HELQ: variants seen among roughly 807,000 people sequenced by gnomAD.
HELQ encodes helicase, POLQ like.
HELQ carries 77 observed loss-of-function variants against 111.6 expected under a neutral mutation model. That is an observed-to-expected ratio of 0.69 (90% CI 0.57 to 0.83). The LOEUF (loss-of-function observed/expected upper bound fraction) is 0.83, where lower values mean the gene tolerates loss of function less well. Among genes scored for constraint, HELQ ranks in the 40% least tolerant of loss-of-function variants. HELQ has a pLI of 0.00. For synonymous variants in HELQ, 438 were observed against 454.7 expected, an observed-to-expected ratio of 0.96 and a Z score of 0.47; for missense variants, 1,200 against 1,288.5, an observed-to-expected ratio of 0.93 and a Z score of 1.05.
At position 83,411,604 on chromosome 4, in the gene HELQ, A is replaced by AAAATAAATAAATAAATAAAT. The variant is rs147373472; in HGVS notation, c.3199-4064_3199-4045dup. Among the ~76,000 whole-genome samples, 203 of 150,208 alleles carry AAAATAAATAAATAAATAAAT rather than the reference A, an allele frequency of 1.4e-3. 1 individual carries two copies. The highest frequency in any genetic ancestry group is 4.8e-3 in the African/African-American group (191 of 40,192). ...GGGTGACAGAGTCAGACCCTGTCTC[A>AAAATAAATAAATAAATAAAT]AAATAAATAAATAAATAAATAAAAT... On this transcript the variant is annotated intron_variant, in intron 17 of 17. Coordinates refer to ENST00000295488, the MANE Select transcript of HELQ (RefSeq NM_133636.5).
chr4:83,437,976 T>C (rs1720551870), intron 8 of HELQ, among the ~76,000 whole-genome samples: 1 of 152,144 alleles, frequency 6.6e-6, no homozygotes, highest in Non-Finnish European at 1.5e-5. Context: ...TCTAAGAAAA[T>C]GAATGATTTA....
Position 83,448,953 on chromosome 4 carries a change from G to T in HELQ, c.1021C>A (p.His341Asn). 1 of 1,562,566 alleles carries T rather than the reference G, an allele frequency of 6.4e-7. No individual in the cohort carries two copies. The highest frequency in any genetic ancestry group is 8.7e-7 in the Non-Finnish European group (1 of 1,152,912). The stretch of plus-strand genomic sequence containing the variant: ...ACAGAATTCAATGTTAAACAAGTAT[G>T]TTGCCATTCTGTGGAATTAAAAAAA... ...KGIEKLYEWQ[H>N]TCLTLNSVQE... is the part of the protein sequence containing the mutation. The change falls in exon 3 of 18, where the codon CAT becomes AAT. Residue 341 changes from histidine to asparagine, a missense_variant. By Grantham distance (68) the His-to-Asn change is moderately conservative (BLOSUM62 1). Transcript: ENST00000295488.
intron 15 of HELQ, among the ~76,000 whole-genome samples, chr4:83,418,701 A>G (rs1739492228): frequency 6.6e-6 from 1 of 152,230 alleles, no homozygotes; most frequent in Admixed American, 6.5e-5. Context: ...GATATTTGCA[A>G]TATTCTATTA....
chr4:83,445,567 G>A (rs947356101), intron 5 of HELQ, among the ~76,000 whole-genome samples: 4 of 151,848 alleles, frequency 2.6e-5, no homozygotes, highest in African/African-American at 7.3e-5. Flanking sequence ...TAAATGTATC[G>A]CTTTACAATA....
Position 83,431,706 on chromosome 4 carries a change from G to C in HELQ, c.2253C>G (p.Thr751=), listed in dbSNP as rs772197686. 3.2e-6 allele frequency: 5 copies of C among 1,562,728 alleles called. No homozygotes were observed. The Admixed American group carries it at 5.5e-5, about 17-fold the overall frequency. The change falls in exon 11 of 18, where the codon ACC becomes ACG. Residue 751 remains threonine, a synonymous_variant. Transcript: ENST00000295488. Reference sequence around the variant, plus strand: ...AGAGAAATAATGTTTGGATTCCCTTGGTGAATTCCTGAACAAGATGGCTGT... The same window carrying C: ...AGAGAAATAATGTTTGGATTCCCTTCGTGAATTCCTGAACAAGATGGCTGT... ...NCYSHLVQEF[T]KGIQTLFLSL...
Position 83,437,141 on chromosome 4 carries a change from G to A in HELQ, c.1809-44C>T, listed in dbSNP as rs147383999. On this transcript the variant is annotated intron_variant, in intron 8 of 17. Coordinates refer to ENST00000295488, the MANE Select transcript of HELQ (RefSeq NM_133636.5). ...AGAAATATGAGCCCTTGATCTTTTA[G>A]TGACAAAATTTCTACCATTTTCATT... 157 of 1,575,148 alleles carry A rather than the reference G, an allele frequency of 1.0e-4. No homozygotes were observed. The African/African-American group carries it at 2.0e-3, about 20-fold the overall frequency.
At chr4:83,450,545 G>A (rs1721305388) in intron 2 of HELQ, among the ~76,000 whole-genome samples, 1 of 151,588 alleles carries the variant, frequency 6.6e-6, no homozygotes, top group African/African-American at 2.4e-5. Flanking sequence ...TATCACCCGA[G>A]TTATCAAATT....
At chr4:83,409,086 C>A (rs911614786) in intron 17 of HELQ, among the ~76,000 whole-genome samples, 10 of 152,016 alleles carry the variant, frequency 6.6e-5, no homozygotes, top group Non-Finnish European at 1.5e-4. Flanking sequence ...AACAAACAAA[C>A]AAACTTGCAT....
At chr4:83,432,335 T>G (rs1053862398) in intron 9 of HELQ, 68 bp from the exon 10 acceptor site, 2 of 1,172,324 alleles carry the variant, frequency 1.7e-6, no homozygotes, top group Non-Finnish European at 2.2e-6. Context: ...TTAATTTCAT[T>G]ATATATTTGT....
At chr4:83,408,243 TC>T (rs746998878) in intron 17 of HELQ, among the ~76,000 whole-genome samples, 5 of 151,864 alleles carry the variant, frequency 3.3e-5, no homozygotes, top group African/African-American at 1.2e-4. Context: ...TAAATTCCGC[TC>T]CCCCCCACCC....
chr4:83,423,685 C>T lies in HELQ; in HGVS notation c.2776-1949G>A, dbSNP rs192377835. 8.1e-4 allele frequency among the ~76,000 whole-genome samples: 123 copies of T among 152,138 alleles called. 2 individuals are homozygous for T. Among genetic ancestry groups the T allele is most frequent in the African/African-American group, 2.7e-3 (114 of 41,514 alleles). On this transcript the variant is annotated intron_variant, in intron 14 of 17. Transcript: ENST00000295488. ...CAGCACTTTTGGAGGTTGAGGTAGG[C>T]GTATCACCTGAGGTCAGGAGTTTAA...
chr4:83,423,292 T>A lies in HELQ; in HGVS notation c.2776-1556A>T, dbSNP rs561163895. ...TATTTTAAAAAAAACTGTAAAATAA[T>A]AAAAAATAAAATAAAATATAAAATT... On this transcript the variant is annotated intron_variant, in intron 14 of 17. Transcript: ENST00000295488. Among the ~76,000 whole-genome samples, 165 of 151,544 alleles carry A rather than the reference T, an allele frequency of 1.1e-3. 1 individual carries two copies. Among genetic ancestry groups the A allele is most frequent in the African/African-American group, 3.7e-3 (152 of 41,392 alleles).
At chr4:83,422,986 A>G (rs1201515062) in intron 14 of HELQ, among the ~76,000 whole-genome samples, 3 of 152,220 alleles carry the variant, frequency 2.0e-5, no homozygotes, top group African/African-American at 4.8e-5. Context: ...TGCTTCCTGT[A>G]GTTGATGATT....
chr4:83,420,738 T>C (rs1161502113), intron 15 of HELQ, among the ~76,000 whole-genome samples: 1 of 151,956 alleles, frequency 6.6e-6, no homozygotes, highest in Admixed American at 6.6e-5. Context: ...TTAGCTAAGA[T>C]TGCGCCACTG....
At chr4:83,434,395 A>G (rs947960696) in intron 9 of HELQ, among the ~76,000 whole-genome samples, 13 of 152,204 alleles carry the variant, frequency 8.5e-5, no homozygotes, top group African/African-American at 2.7e-4. Context: ...AGAAAATTCA[A>G]TTGAAGAACT....
Position 83,431,655 on chromosome 4 carries a change from G to A in HELQ, c.2295+9C>T. 6.8e-7 allele frequency: 1 copy of A among 1,477,046 alleles called. No individual in the cohort carries two copies. Among genetic ancestry groups the A allele is most frequent in the Non-Finnish European group, 9.2e-7 (1 of 1,086,322 alleles). The allele number at this position is 1,477,046 out of a possible 1,614,324, so 91.5% of individuals were successfully genotyped here. ...AACAGTAATAAGATAAAAAATTTAA[G>A]AAAAATACCTTCAAACCAATCAAAG... On this transcript the variant is annotated intron_variant, in intron 11 of 17. Coordinates refer to ENST00000295488, the MANE Select transcript of HELQ (RefSeq NM_133636.5).
intron 15 of HELQ, 69 bp downstream of exon 15, chr4:83,421,494 C>A: frequency 8.6e-7 from 1 of 1,159,696 alleles, no homozygotes. Flanking sequence ...GACTAACTGG[C>A]TTATTAGTTT....
intron 12 of HELQ, among the ~76,000 whole-genome samples, chr4:83,427,968 T>C (rs1478158648): frequency 1.3e-5 from 2 of 152,200 alleles, no homozygotes. Flanking sequence ...TACCCCAAAA[T>C]ACATAGAGAT....
Position 83,453,313 on chromosome 4 carries a change from T to C in HELQ, c.930A>G (p.Ser310=), listed in dbSNP as rs1489154968. The C allele has an allele frequency of 1.9e-6, 3 of 1,613,974 alleles. No individual in the cohort carries two copies. The highest frequency in any genetic ancestry group is 3.3e-5 in the Admixed American group (2 of 60,002). The part of the protein sequence containing the change: ...NVAKKTVESS[S]NDLGPFYSLP... ...ATGAATAAAAAGGACCAAGGTCATTTGATGATGACTCAACTGTTTTCTTAG... is the reference window on the plus strand; with the variant it reads ...ATGAATAAAAAGGACCAAGGTCATTCGATGATGACTCAACTGTTTTCTTAG... Residue 310 remains serine (S), a synonymous_variant, in exon 2 of 18, where the codon TCA becomes TCG. Coordinates refer to ENST00000295488, the MANE Select transcript of HELQ (RefSeq NM_133636.5).
Sources: gnomAD v4.1 joint callset for allele counts (sites outside exome capture counted in the v4.1 genomes callset) on GRCh38, gnomAD v4.1.1 for gene constraint, MANE v1.5 for transcripts, NCBI Gene and HGNC (gene_info 2026-07-23, HGNC 2026-07-21) for gene names.